The following SLC41A2 variants were observed in gnomAD, a reference collection of about 807,000 sequenced individuals.
The protein encoded by SLC41A2 is solute carrier family 41 member 2.
Under a neutral mutation model 58.3 loss-of-function variants are expected in SLC41A2, and 32 were observed. The ratio of observed to expected loss-of-function variants is 0.55; its 90% CI spans 0.41 to 0.74. The LOEUF (loss-of-function observed/expected upper bound fraction) is 0.74. SLC41A2 is among the 30% of genes least tolerant of loss of function. The probability of loss-of-function intolerance (pLI) is 0.00; values close to 1 mark genes in which losing one functional copy is unlikely to be tolerated. For synonymous variants in SLC41A2, 190 were observed against 235.0 expected (o/e 0.81, Z 1.75); for missense variants, 514 against 680.6 (o/e 0.76, Z 2.72).
At chr12:104,890,511 C>T (rs1216364569) in intron 4 of SLC41A2, among the ~76,000 whole-genome samples, 2 of 152,154 alleles carry the variant, frequency 1.3e-5, no homozygotes, top group Non-Finnish European at 2.9e-5. Context: ...CTGCAGACAT[C>T]ATGGTGTGTA....
At chr12:104,955,468 C>G (rs892653463) in intron 1 of SLC41A2, among the ~76,000 whole-genome samples, 18 of 152,126 alleles carry the variant, frequency 1.2e-4, no homozygotes, top group African/African-American at 3.4e-4. Flanking sequence ...TATCCACTAC[C>G]CCCGGTGTTT....
chr12:104,888,994 G>A (rs747502181), intron 5 of SLC41A2, 39 bp downstream of exon 5: 164 of 1,488,070 alleles, frequency 1.1e-4, no homozygotes, highest in Non-Finnish European at 1.4e-4. Flanking sequence ...CCATTTAAAT[G>A]TAAAAGGCTA....
chr12:104,833,787 G>A (rs574471192), intron 10 of SLC41A2, among the ~76,000 whole-genome samples: 12 of 147,138 alleles, frequency 8.2e-5, no homozygotes, highest in African/African-American at 3.0e-4. Flanking sequence ...GTGTTTTGTT[G>A]TTTTTTTTTT....
At chr12:104,833,715 T>C (rs915883055) in intron 10 of SLC41A2, among the ~76,000 whole-genome samples, 1 of 152,166 alleles carries the variant, frequency 6.6e-6, no homozygotes, top group Non-Finnish European at 1.5e-5. Context: ...AAAAGTGGTA[T>C]TGTGCTAATA....
rs545895192 is a variant in SLC41A2 at position 104,811,209 on chromosome 12, T to C, written c.1537-5872A>G. On this transcript the variant is annotated intron_variant, in intron 10 of 10. Transcript: ENST00000258538. ...TGGAAACCATACAGAGAAATTCTTA[T>C]ACAAGCATACTGAGAGATGTGCAAG... Among the ~76,000 whole-genome samples the C allele has an allele frequency of 6.3e-4, 96 of 152,298 alleles. 1 individual carries two copies. The highest frequency in any genetic ancestry group is 2.2e-3 in the African/African-American group (90 of 41,580).
chr12:104,955,804 C>G (rs1243443759), intron 1 of SLC41A2, among the ~76,000 whole-genome samples: 1 of 150,450 alleles, frequency 6.6e-6, no homozygotes, highest in Non-Finnish European at 1.5e-5. Context: ...TTTGTGTGCG[C>G]TCGGAAATTA....
intron 1 of SLC41A2, among the ~76,000 whole-genome samples, chr12:104,938,239 C>T (rs1337177076): frequency 6.6e-6 from 1 of 151,952 alleles, no homozygotes; most frequent in African/African-American, 2.4e-5. Context: ...ACAAAAGCAC[C>T]CAGGAGGTTC....
intron 2 of SLC41A2, among the ~76,000 whole-genome samples, chr12:104,910,653 G>C (rs2135784156): frequency 6.6e-6 from 1 of 152,124 alleles, no homozygotes; most frequent in Non-Finnish European, 1.5e-5. Flanking sequence ...TAAAATTCAG[G>C]CATAACTGAC....
At chr12:104,921,728 C>T (rs1449738212) in intron 2 of SLC41A2, among the ~76,000 whole-genome samples, 1 of 152,294 alleles carries the variant, frequency 6.6e-6, no homozygotes, top group South Asian at 2.1e-4. Flanking sequence ...TACTCTAATA[C>T]TGTAATTAGG....
chr12:104,940,361 G>T (rs957739345), intron 1 of SLC41A2, among the ~76,000 whole-genome samples: 8 of 150,748 alleles, frequency 5.3e-5, no homozygotes, highest in African/African-American at 1.7e-4. Flanking sequence ...TGGGGGGGAG[G>T]GGGGAGGGAT....
At chr12:104,835,708 T>C (rs540256750) in intron 10 of SLC41A2, among the ~76,000 whole-genome samples, 12 of 152,310 alleles carry the variant, frequency 7.9e-5, no homozygotes, top group African/African-American at 2.9e-4. Context: ...ATGGATCCTG[T>C]GGAATGAATA....
At chr12:104,885,832 G>T (rs2044630133) in intron 6 of SLC41A2, among the ~76,000 whole-genome samples, 1 of 151,926 alleles carries the variant, frequency 6.6e-6, no homozygotes, top group Non-Finnish European at 1.5e-5. Context: ...ATTGGTGTGG[G>T]TTTCTGATGG....
chr12:104,824,211 A>G (rs994443143), intron 10 of SLC41A2, among the ~76,000 whole-genome samples: 3 of 151,852 alleles, frequency 2.0e-5, no homozygotes, highest in African/African-American at 7.3e-5. Flanking sequence ...TCCCAAGAAC[A>G]CCCTGGCCTG....
intron 6 of SLC41A2, among the ~76,000 whole-genome samples, chr12:104,873,941 T>C (rs965881004): frequency 2.0e-5 from 3 of 152,196 alleles, no homozygotes; most frequent in African/African-American, 4.8e-5. Context: ...ATCAAACATA[T>C]GGTTCACAAA....
intron 8 of SLC41A2, among the ~76,000 whole-genome samples, chr12:104,857,268 G>C (rs2043051649): frequency 6.6e-6 from 1 of 152,130 alleles, no homozygotes. Context: ...TCTGAGGAAG[G>C]TTAGATCTAG....
chr12:104,876,465 A>G (rs1376039032), intron 6 of SLC41A2, among the ~76,000 whole-genome samples: 1 of 151,178 alleles, frequency 6.6e-6, no homozygotes, highest in East Asian at 1.9e-4. Flanking sequence ...TTCCATTTTC[A>G]TTTGTCTCAA....
chr12:104,935,560 T>C (rs2047231263), intron 1 of SLC41A2, among the ~76,000 whole-genome samples: 1 of 152,160 alleles, frequency 6.6e-6, no homozygotes, highest in African/African-American at 2.4e-5. Flanking sequence ...GACTCAAAAA[T>C]CCTGGATTAA....
chr12:104,862,923 T>G (rs1220841681), intron 7 of SLC41A2, among the ~76,000 whole-genome samples: 1 of 152,230 alleles, frequency 6.6e-6, no homozygotes, highest in East Asian at 1.9e-4. Flanking sequence ...GCAATTTTGA[T>G]GAATACAATA....
At chr12:104,870,573 C>T (rs939611337) in intron 6 of SLC41A2, among the ~76,000 whole-genome samples, 1 of 152,190 alleles carries the variant, frequency 6.6e-6, no homozygotes, top group African/African-American at 2.4e-5. Flanking sequence ...TTAATACTGA[C>T]TCTGTGATAT....
Sources: gnomAD v4.1 joint callset for allele counts (sites outside exome capture counted in the v4.1 genomes callset) on GRCh38, gnomAD v4.1.1 for gene constraint, MANE v1.5 for transcripts, NCBI Gene and HGNC (gene_info 2026-07-23, HGNC 2026-07-21) for gene names.